The following DHRS3 variants were observed in gnomAD, a reference collection of about 807,000 sequenced individuals.
The protein encoded by DHRS3 is short-chain dehydrogenase/reductase 3.
A neutral mutation model predicts 27.2 loss-of-function variants in DHRS3; 14 were observed. The observed-to-expected ratio is 0.52, with a 90% confidence interval of 0.34 to 0.81. DHRS3 has a LOEUF of 0.81. DHRS3 is among the 30% of genes least tolerant of loss of function. The pLI is 0.01. For missense variants in DHRS3, 322 were observed against 406.2 expected (o/e 0.79, Z 1.78); for synonymous variants, 165 against 175.9 (o/e 0.94, Z 0.49).
At position 12,594,863 on chromosome 1, in the gene DHRS3, T is replaced by G. The variant is rs924615306; in HGVS notation, c.196-14197A>C. ...AAGGGGCTGGGCTGGGATGCTTAGGTGATGGGAGAAGAGGGATTCTGGACG... is the reference window on the plus strand; with the variant it reads ...AAGGGGCTGGGCTGGGATGCTTAGGGGATGGGAGAAGAGGGATTCTGGACG... On this transcript the variant is annotated intron_variant, in intron 1 of 5. Coordinates refer to ENST00000616661, the MANE Select transcript of DHRS3 (RefSeq NM_004753.7). The surrounding 1 kb of genome is among the most constrained non-coding windows in gnomAD (Gnocchi z 4.1). Among the ~76,000 whole-genome samples, 1 of 151,524 alleles carries G rather than the reference T, an allele frequency of 6.6e-6. No homozygotes were observed. The highest frequency in any genetic ancestry group is 2.4e-5 in the African/African-American group (1 of 41,170).
intron 1 of DHRS3, among the ~76,000 whole-genome samples, chr1:12,588,142 A>G (rs1408135111): frequency 6.6e-6 from 1 of 152,158 alleles, no homozygotes; most frequent in African/African-American, 2.4e-5. Context: ...TCTCTGTTTC[A>G]AATGCCAGGG....
rs1232896907 is a variant in DHRS3 at position 12,572,710 on chromosome 1, T to C, written c.824+18A>G. ...CGTACTTTCCCCTGACCCAGAGTGTTCTTTCCCAGCCCCATACCTTTTCAA... is the reference window on the plus strand; with the variant it reads ...CGTACTTTCCCCTGACCCAGAGTGTCCTTTCCCAGCCCCATACCTTTTCAA... On this transcript the variant is annotated intron_variant, in intron 5 of 5. Transcript: ENST00000616661. 1.9e-6 allele frequency: 3 copies of C among 1,575,892 alleles called. No homozygotes were observed. The highest frequency in any genetic ancestry group is 2.6e-6 in the Non-Finnish European group (3 of 1,159,868).
intron 1 of DHRS3, among the ~76,000 whole-genome samples, chr1:12,606,199 G>A (rs1332587376): frequency 6.6e-6 from 1 of 150,800 alleles, no homozygotes; most frequent in Admixed American, 6.6e-5. Context: ...TGTTAAGAAG[G>A]GATGAGATGA....
At position 12,594,056 on chromosome 1, in the gene DHRS3, G is replaced by C. The variant is rs1646768697; in HGVS notation, c.196-13390C>G. 1.3e-5 allele frequency among the ~76,000 whole-genome samples: 2 copies of C among 152,194 alleles called. No individual in the cohort carries two copies. The highest frequency in any genetic ancestry group is 4.1e-4 in the South Asian group (2 of 4,830). On this transcript the variant is annotated intron_variant, in intron 1 of 5. Coordinates refer to ENST00000616661, the MANE Select transcript of DHRS3 (RefSeq NM_004753.7). This position sits in a 1 kb window ranked among gnomAD's most constrained non-coding sequence, Gnocchi z 4.1. ...TTTTCCCCCACTGGACCTCTTGCTG[G>C]AAAGTGCTGGGTGACCTTGGGGTGG... is the stretch of plus-strand genomic sequence containing the variant.
At chr1:12,614,220 C>T (rs918184650) in intron 1 of DHRS3, among the ~76,000 whole-genome samples, 2 of 152,168 alleles carry the variant, frequency 1.3e-5, no homozygotes, top group African/African-American at 2.4e-5. Context: ...TCTAAATGAA[C>T]GGTCCACTTC....
chr1:12,613,915 G>A (rs561678432), intron 1 of DHRS3, among the ~76,000 whole-genome samples: 2 of 151,868 alleles, frequency 1.3e-5, no homozygotes, highest in Non-Finnish European at 2.9e-5. Flanking sequence ...GATTACGGGC[G>A]CTTACCACCA....
chr1:12,615,588 G>A (rs1646939270), intron 1 of DHRS3, among the ~76,000 whole-genome samples: 1 of 152,148 alleles, frequency 6.6e-6, no homozygotes, highest in South Asian at 2.1e-4. Flanking sequence ...TACAAGAACA[G>A]TAAAAGAGAC....
At chr1:12,576,584 T>G (rs1194194586) in intron 4 of DHRS3, among the ~76,000 whole-genome samples, 2 of 149,974 alleles carry the variant, frequency 1.3e-5, no homozygotes, top group African/African-American at 2.4e-5. Flanking sequence ...AAAACAAAAC[T>G]GCAGACTGCC....
Position 12,609,240 on chromosome 1 carries a change from G to A in DHRS3, c.195+7914C>T, listed in dbSNP as rs557362874. 3.2e-4 allele frequency among the ~76,000 whole-genome samples: 49 copies of A among 152,246 alleles called. 1 individual carries two copies. The highest frequency in any genetic ancestry group is 2.6e-3 in the Admixed American group (39 of 15,294). On this transcript the variant is annotated intron_variant, in intron 1 of 5. Transcript: ENST00000616661. ...AACCTTGTTTATGAGGTTCCCTGCC[G>A]CATCTCCAAGGCCTAGTTTGCTGAA...
In DHRS3 at chr1:12,618,187, C is replaced by T. The variant is rs1324561284; in HGVS notation, c.-839G>A. Among the ~76,000 whole-genome samples the T allele has an allele frequency of 6.6e-6, 1 of 152,188 alleles. No homozygotes were observed. Among genetic ancestry groups the T allele is most frequent in the Non-Finnish European group, 1.5e-5 (1 of 68,038 alleles). ...TGTCCTTTCCAACTTGGAGAGGGTCCGGGTGTGGAGCGCGCGTGGATCGGA... is the reference window on the plus strand; with the variant it reads ...TGTCCTTTCCAACTTGGAGAGGGTCTGGGTGTGGAGCGCGCGTGGATCGGA... On this transcript the variant is annotated 5_prime_UTR_variant, in exon 1 of 6. Transcript: ENST00000616661. This position sits in a 1 kb window ranked among gnomAD's most constrained non-coding sequence, Gnocchi z 4.2.
chr1:12,614,060 T>C (rs966212430), intron 1 of DHRS3, among the ~76,000 whole-genome samples: 2 of 152,136 alleles, frequency 1.3e-5, no homozygotes, highest in South Asian at 2.1e-4. Flanking sequence ...CATGAGCCAC[T>C]GCTCCCAGCC....
chr1:12,617,293 A>G lies in DHRS3; in HGVS notation c.56T>C (p.Leu19Pro), dbSNP rs764574746. The G allele has an allele frequency of 6.2e-7, 1 of 1,613,814 alleles. No homozygotes were observed. The highest frequency in any genetic ancestry group is 1.7e-5 in the Admixed American group (1 of 60,032). Reference protein sequence around the residue: ...LVMFPLQMIYLVVKAAVGLVL... With the variant: ...LVMFPLQMIYPVVKAAVGLVL... ...CAGTCCGACGGCTGCTTTCACCACCAGATAGATCATCTGTAGAGGGAACAT... is the reference window on the plus strand; with the variant it reads ...CAGTCCGACGGCTGCTTTCACCACCGGATAGATCATCTGTAGAGGGAACAT... The change falls in exon 1 of 6, where the codon CTG (leucine) becomes CCG (proline). Residue 19 changes from leucine to proline, a missense_variant. Physicochemically the swap from Leu to Pro is moderately conservative, Grantham distance 98. Transcript: ENST00000616661.
At chr1:12,570,823 C>T (rs537274175) in intron 5 of DHRS3, among the ~76,000 whole-genome samples, 17 of 152,172 alleles carry the variant, frequency 1.1e-4, no homozygotes, top group East Asian at 1.9e-4. Context: ...TGAGGGAGGC[C>T]GAGGTGTGGC....
At chr1:12,589,840 C>CAAA in intron 1 of DHRS3, among the ~76,000 whole-genome samples, 1 of 149,252 alleles carries the variant, frequency 6.7e-6, no homozygotes, top group East Asian at 2.0e-4. Context: ...AGCTAGCTGT[C>CAAA]ATTATTATTA....
chr1:12,610,899 G>T (rs113475523), intron 1 of DHRS3, among the ~76,000 whole-genome samples: 2,599 of 152,326 alleles, frequency 0.017, 33 homozygotes, highest in South Asian at 0.053. Context: ...GGATAAGGGA[G>T]AACGTGTAGG....
chr1:12,605,646 T>A (rs1172497758), intron 1 of DHRS3, among the ~76,000 whole-genome samples: 2 of 152,190 alleles, frequency 1.3e-5, no homozygotes, highest in African/African-American at 4.8e-5. Flanking sequence ...TAACTTGTTA[T>A]AACATGACTA....
Position 12,580,575 on chromosome 1 carries a change from T to A in DHRS3, c.287A>T (p.Asp96Val). The A allele has an allele frequency of 6.2e-7, 1 of 1,614,160 alleles. No homozygotes were observed. The highest frequency in any genetic ancestry group is 8.5e-7 in the Non-Finnish European group (1 of 1,180,038). ...GTACACCTCCTCCCGGTTGCCCACA[T>A]CACAGATGAAGTAATGGCACTCAGT... is the stretch of plus-strand genomic sequence containing the variant. ...MGTECHYFIC[D>V]VGNREEVYQT... The change falls in exon 2 of 6, where the codon GAT becomes GTT. Residue 96 changes from aspartate to valine, a missense_variant. By Grantham distance (152) the Asp-to-Val change is radical. Coordinates refer to ENST00000616661, the MANE Select transcript of DHRS3 (RefSeq NM_004753.7).
chr1:12,578,162 C>A lies in DHRS3; in HGVS notation c.698+556G>T, dbSNP rs889746555. On this transcript the variant is annotated intron_variant, in intron 4 of 5. Coordinates refer to ENST00000616661, the MANE Select transcript of DHRS3 (RefSeq NM_004753.7). The surrounding 1 kb of genome is among the most constrained non-coding windows in gnomAD (Gnocchi z 4.5). Reference sequence around the variant, plus strand: ...TGGAGGTGCATCTCCCTCATTTGACCTTTAGACACATCCCGCTGCATGCCT... The same window carrying A: ...TGGAGGTGCATCTCCCTCATTTGACATTTAGACACATCCCGCTGCATGCCT... Among the ~76,000 whole-genome samples, 1 of 152,184 alleles carries A rather than the reference C, an allele frequency of 6.6e-6. No individual in the cohort carries two copies. Among genetic ancestry groups the A allele is most frequent in the African/African-American group, 2.4e-5 (1 of 41,454 alleles).
intron 1 of DHRS3, among the ~76,000 whole-genome samples, chr1:12,595,208 A>G (rs1257346365): frequency 6.6e-6 from 1 of 152,176 alleles, no homozygotes; most frequent in Non-Finnish European, 1.5e-5. Context: ...CCCAGTTTCC[A>G]ATAACAAAGT....
Sources: allele counts gnomAD v4.1 joint callset (sites outside exome capture counted in the v4.1 genomes callset), GRCh38; gene constraint gnomAD v4.1.1; non-coding constraint Gnocchi (gnomAD v3.1); transcripts MANE v1.5; gene names NCBI Gene and HGNC (gene_info 2026-07-23, HGNC 2026-07-21).